EGFLAM: variants seen among roughly 807,000 people sequenced by gnomAD.
EGFLAM encodes the protein EGF like, fibronectin type III and laminin G domains, also known as pikachurin.
EGFLAM carries 79 observed loss-of-function variants against 113.1 expected under a neutral mutation model. The observed-to-expected ratio is 0.70, with a 90% confidence interval of 0.58 to 0.84. The LOEUF is 0.84. Among genes scored for constraint, EGFLAM ranks in the 40% least tolerant of loss-of-function variants. The pLI is 0.00. For missense variants in EGFLAM, 1,265 were observed against 1,291.6 expected (o/e 0.98, Z 0.32); for synonymous variants, 504 against 487.6 (o/e 1.03, Z -0.44).
rs760852350 is a variant in EGFLAM, at chr5:38,451,379, C to T, written c.2608C>T (p.Leu870=). The T allele has an allele frequency of 6.2e-7, 1 of 1,614,226 alleles. No individual in the cohort carries two copies. Among genetic ancestry groups the T allele is most frequent in the East Asian group, 2.2e-5 (1 of 44,876 alleles). ...AACAACTGCCAAGGATGGCCTTTTGCTGTGGAGGGGAGACAGCCCCATGAG... is the reference window on the plus strand; with the variant it reads ...AACAACTGCCAAGGATGGCCTTTTGTTGTGGAGGGGAGACAGCCCCATGAG... ...FKTTAKDGLL[L]WRGDSPMRPN... Residue 870 remains leucine (L), a synonymous_variant, in exon 19 of 22, where the codon CTG becomes TTG. Transcript: ENST00000322350.
rs539244356 is a variant in EGFLAM, at chr5:38,267,597, C to T, written c.97+8746C>T. Among the ~76,000 whole-genome samples, 49 of 152,300 alleles carry T rather than the reference C, an allele frequency of 3.2e-4. No homozygotes were observed. The South Asian group carries it at 4.8e-3, about 15-fold the overall frequency. The stretch of plus-strand genomic sequence containing the variant: ...TACTTCAATATAAACAGTGACTCTA[C>T]GAATTACTTTAATCTCTACCCTGGG... On this transcript the variant is annotated intron_variant, in intron 1 of 21. Coordinates refer to ENST00000322350, the MANE Select transcript of EGFLAM (RefSeq NM_152403.4).
chr5:38,431,836 T>C (rs1742200280), intron 15 of EGFLAM, among the ~76,000 whole-genome samples: 2 of 152,190 alleles, frequency 1.3e-5, no homozygotes, highest in African/African-American at 2.4e-5. Context: ...AGAGTTGTTG[T>C]GAGAATTAAA....
intron 1 of EGFLAM, among the ~76,000 whole-genome samples, chr5:38,289,721 C>T (rs1239524131): frequency 6.6e-6 from 1 of 152,152 alleles, no homozygotes; most frequent in Non-Finnish European, 1.5e-5. Context: ...GGATATCCTA[C>T]ACTGAAGGCA....
intron 3 of EGFLAM, among the ~76,000 whole-genome samples, chr5:38,339,275 T>G (rs1324222845): frequency 1.3e-5 from 2 of 151,998 alleles, no homozygotes; most frequent in African/African-American, 4.8e-5. Flanking sequence ...GATTGTTGGG[T>G]CCTCATCTAT....
rs778262639 is a variant in EGFLAM at position 38,407,096 on chromosome 5, G to T, written c.1097G>T (p.Gly366Val). 1.2e-5 allele frequency: 19 copies of T among 1,614,112 alleles called. No homozygotes were observed. Among genetic ancestry groups the T allele is most frequent in the Non-Finnish European group, 1.5e-5 (18 of 1,180,026 alleles). Residue 366 changes from glycine (G) to valine (V), a missense_variant, in exon 8 of 22, where the codon GGC becomes GTC. Gly to Val is a moderately radical substitution (Grantham distance 109). Transcript: ENST00000322350. ...SFCVNDYTWGGSRCQCTLGKG... is the reference protein window; with the variant it reads ...SFCVNDYTWGVSRCQCTLGKG... ...TGTGTCAATGACTACACCTGGGGGG[G>T]CTCGCGATGCCAGTGCACCCTGGGC...
intron 1 of EGFLAM, among the ~76,000 whole-genome samples, chr5:38,317,031 T>C (rs918694363): frequency 2.6e-5 from 4 of 152,158 alleles, no homozygotes; most frequent in Non-Finnish European, 5.9e-5. Flanking sequence ...ATCCTGGAAG[T>C]AATTGGAAAC....
rs78096137 is a variant in EGFLAM, at chr5:38,453,560, G to C, written c.2687+2102G>C. ...GGAGACTCATATGTAGTTGAGGCTGGATGCTGGCAGGTGAGAGGCAGCTTC... is the reference window on the plus strand; with the variant it reads ...GGAGACTCATATGTAGTTGAGGCTGCATGCTGGCAGGTGAGAGGCAGCTTC... On this transcript the variant is annotated intron_variant, in intron 19 of 21. Coordinates refer to ENST00000322350, the MANE Select transcript of EGFLAM (RefSeq NM_152403.4). 1.9e-3 allele frequency among the ~76,000 whole-genome samples: 282 copies of C among 152,266 alleles called. 3 individuals are homozygous for C. The East Asian group carries it at 0.051, about 27-fold the overall frequency.
chr5:38,358,505 A>G (rs2112005500), intron 5 of EGFLAM, among the ~76,000 whole-genome samples: 1 of 151,264 alleles, frequency 6.6e-6, no homozygotes, highest in Middle Eastern at 3.4e-3. Context: ...GGGTATGCTG[A>G]CTACTTATTT....
rs1742307639 is a variant in EGFLAM at position 38,435,266 on chromosome 5, C to T, written c.2283+13C>T. Reference sequence around the variant, plus strand: ...GAGCATCCAGAAGGTACAGGCATCTCTTCCTCATGTTTACTGGGCCACCCA... The same window carrying T: ...GAGCATCCAGAAGGTACAGGCATCTTTTCCTCATGTTTACTGGGCCACCCA... On this transcript the variant is annotated intron_variant, in intron 16 of 21. Transcript: ENST00000322350. 2.5e-6 allele frequency: 4 copies of T among 1,598,974 alleles called. No homozygotes were observed. Among genetic ancestry groups the T allele is most frequent in the Non-Finnish European group, 3.4e-6 (4 of 1,166,344 alleles).
intron 4 of EGFLAM, 107 bp downstream of exon 4, chr5:38,350,725 T>A: frequency 9.5e-7 from 1 of 1,053,610 alleles, no homozygotes; most frequent in Non-Finnish European, 1.4e-6. Flanking sequence ...TGTGCTAGGC[T>A]CTGGGAATTC....
chr5:38,421,530 G>A (rs1215736143), intron 12 of EGFLAM, among the ~76,000 whole-genome samples: 1 of 152,194 alleles, frequency 6.6e-6, no homozygotes, highest in African/African-American at 2.4e-5. Flanking sequence ...ACTTCACTGA[G>A]CACCTGCTTA....
At position 38,435,058 on chromosome 5, in the gene EGFLAM, A is replaced by T. The variant is rs796641188; in HGVS notation, c.2167-79A>T. 3 of 1,216,752 alleles carry T rather than the reference A, an allele frequency of 2.5e-6. No homozygotes were observed. The African/African-American group carries it at 4.5e-5, about 18-fold the overall frequency. The allele number at this position is 1,216,752 out of a possible 1,614,324, so 75.4% of individuals were successfully genotyped here. On this transcript the variant is annotated intron_variant, in intron 15 of 21. Coordinates refer to ENST00000322350, the MANE Select transcript of EGFLAM (RefSeq NM_152403.4). ...TCTGTCTACCATTTTGTTCCCCAAC[A>T]GGGAACTGAAGACACATTTGATCAT... is the stretch of plus-strand genomic sequence containing the variant.
At chr5:38,431,150 AAAT>A in intron 14 of EGFLAM, 24 bp from the exon 15 acceptor site, 2 of 1,605,364 alleles carry the variant, frequency 1.2e-6, no homozygotes, top group Non-Finnish European at 1.7e-6. Flanking sequence ...CGATACATAA[AAAT>A]AATATCACAT....
chr5:38,412,219 C>T (rs1030181097), intron 10 of EGFLAM, among the ~76,000 whole-genome samples: 1 of 152,124 alleles, frequency 6.6e-6, no homozygotes, highest in Non-Finnish European at 1.5e-5. Context: ...GCACAGTACC[C>T]AAATGCCCAT....
chr5:38,418,634 A>G (rs923161996), intron 12 of EGFLAM, among the ~76,000 whole-genome samples: 17 of 152,208 alleles, frequency 1.1e-4, no homozygotes, highest in African/African-American at 3.1e-4. Flanking sequence ...AAGAGCTTTC[A>G]TACACTCTCT....
chr5:38,396,757 C>T (rs572908932), intron 6 of EGFLAM, among the ~76,000 whole-genome samples: 2 of 152,354 alleles, frequency 1.3e-5, no homozygotes, highest in Admixed American at 1.3e-4. Flanking sequence ...AAATTTCTCA[C>T]ACACCATGAT....
At chr5:38,441,498 C>T (rs1175874323) in intron 17 of EGFLAM, among the ~76,000 whole-genome samples, 1 of 151,906 alleles carries the variant, frequency 6.6e-6, no homozygotes, top group African/African-American at 2.4e-5. Flanking sequence ...TTCCTCAGAG[C>T]TTGTGTATCT....
In EGFLAM at chr5:38,464,250, A is replaced by G. The variant is rs566736660; in HGVS notation, c.*264A>G. ...GTCCATTGAATATGTAGCGGCTGCCAGAGATCACACATCAATGCAAATTCC... is the reference window on the plus strand; with the variant it reads ...GTCCATTGAATATGTAGCGGCTGCCGGAGATCACACATCAATGCAAATTCC... On this transcript the variant is annotated 3_prime_UTR_variant, in exon 22 of 22. Transcript: ENST00000322350. 2.2e-6 allele frequency: 1 copy of G among 453,772 alleles called. No individual in the cohort carries two copies. The highest frequency in any genetic ancestry group is 3.6e-5 in the East Asian group (1 of 28,062). The allele number at this position is 453,772 out of a possible 1,614,324, so 28.1% of individuals were successfully genotyped here.
intron 15 of EGFLAM, among the ~76,000 whole-genome samples, chr5:38,434,068 A>C (rs1325515519): frequency 6.6e-6 from 1 of 152,174 alleles, no homozygotes; most frequent in Non-Finnish European, 1.5e-5. Context: ...CTTCCAAAGC[A>C]CAGACCTCTC....
Sources: allele counts gnomAD v4.1 joint callset (sites outside exome capture counted in the v4.1 genomes callset), GRCh38; gene constraint gnomAD v4.1.1; transcripts MANE v1.5; gene names NCBI Gene and HGNC (gene_info 2026-07-23, HGNC 2026-07-21).